CCDC30: variants seen among roughly 807,000 people sequenced by gnomAD.
CCDC30 encodes the protein coiled-coil domain containing 30.
Under a neutral mutation model 100.2 loss-of-function variants are expected in CCDC30, and 70 were observed. The ratio of observed to expected loss-of-function variants is 0.70; its 90% CI spans 0.58 to 0.85. The LOEUF is 0.85. Ranked by LOEUF, CCDC30 falls within the 40% of genes least tolerant of loss-of-function variation. CCDC30 has a pLI of 0.00. For synonymous variants in CCDC30, 233 were observed against 269.5 expected (o/e 0.86, Z 1.33); for missense variants, 652 against 771.2 (o/e 0.85, Z 1.83).
At chr1:42,558,523 G>T (rs1169738853) in intron 6 of CCDC30, among the ~76,000 whole-genome samples, 1 of 152,114 alleles carries the variant, frequency 6.6e-6, no homozygotes, top group Admixed American at 6.6e-5. Flanking sequence ...CCATCCAGCA[G>T]TAATCATTAT....
chr1:42,638,050 C>T (rs1405730390), intron 12 of CCDC30, among the ~76,000 whole-genome samples: 1 of 152,214 alleles, frequency 6.6e-6, no homozygotes, highest in East Asian at 1.9e-4. Context: ...TATACCACCA[C>T]TGTGTGCCAA....
chr1:42,557,702 TTAAA>T (rs1457158832), intron 6 of CCDC30, among the ~76,000 whole-genome samples: 4 of 147,534 alleles, frequency 2.7e-5, no homozygotes, highest in East Asian at 1.9e-4. Flanking sequence ...ATTAAATATA[TTAAA>T]TAAAATATGT....
At chr1:42,458,701 A>G (rs536580097), upstream of CCDC30, among the ~76,000 whole-genome samples, 48 of 152,318 alleles carry the variant, frequency 3.2e-4, no homozygotes, top group South Asian at 9.5e-3. Context: ...CACGCTTTTT[A>G]ATCTCTGGGA....
intron 11 of CCDC30, among the ~76,000 whole-genome samples, chr1:42,630,484 G>T (rs556359256): frequency 1.3e-5 from 2 of 151,612 alleles, no homozygotes; most frequent in Non-Finnish European, 2.9e-5. Context: ...CCAGGTTCAA[G>T]CAATTATCCT....
At chr1:42,614,341 A>C (rs1646684333) in intron 11 of CCDC30, among the ~76,000 whole-genome samples, 1 of 151,704 alleles carries the variant, frequency 6.6e-6, no homozygotes, top group Non-Finnish European at 1.5e-5. Flanking sequence ...CGGCCTCCCA[A>C]AGTGCTGGGA....
rs558872835 is a variant in CCDC30, at chr1:42,492,066, G to A, written c.241+1837G>A. 241 of 392,320 alleles carry A rather than the reference G, an allele frequency of 6.1e-4. 1 individual carries two copies. The South Asian group carries it at 6.5e-3, about 11-fold the overall frequency. 24.3% of individuals were successfully genotyped at this position (392,320 alleles called of 1,614,324 possible). ...ATTTACCCCTGACGAAATGTGTTCC[G>A]TGGTCAAAAAATGGCAGACCATGAT... On this transcript the variant is annotated intron_variant, in intron 4 of 16. Transcript: ENST00000668663.
At chr1:42,636,846 G>A (rs1647166292) in intron 11 of CCDC30, among the ~76,000 whole-genome samples, 1 of 151,146 alleles carries the variant, frequency 6.6e-6, no homozygotes, top group Non-Finnish European at 1.5e-5. Flanking sequence ...GGCACCTGTA[G>A]TCCCAGCTAC....
chr1:42,637,965 G>A (rs1647191487), intron 12 of CCDC30, among the ~76,000 whole-genome samples: 1 of 152,138 alleles, frequency 6.6e-6, no homozygotes, highest in Admixed American at 6.5e-5. Flanking sequence ...CCTTCTTGGG[G>A]TCACTAGCCC....
At chr1:42,623,253 T>G (rs1341844333) in intron 11 of CCDC30, among the ~76,000 whole-genome samples, 1 of 152,192 alleles carries the variant, frequency 6.6e-6, no homozygotes, top group East Asian at 1.9e-4. Context: ...ATTCCATTTG[T>G]CCATTTTTGC....
At chr1:42,505,338 AC>A (rs577946129) in intron 6 of CCDC30, among the ~76,000 whole-genome samples, 325 of 152,300 alleles carry the variant, frequency 2.1e-3, no homozygotes, top group African/African-American at 7.3e-3. Flanking sequence ...CATTACCCAT[AC>A]ATTTTTCTTT....
At position 42,646,126 on chromosome 1, in the gene CCDC30, T is replaced by G. The variant is rs1401030586; in HGVS notation, c.1672-9T>G. On this transcript the variant is annotated splice_polypyrimidine_tract_variant and intron_variant, in intron 14 of 16. Coordinates refer to ENST00000668663, the Ensembl canonical transcript of CCDC30. ...AAATAAATAACTCCAAAATTGTTTT[T>G]AAACTTAGAATCTTAAGGAGTTTCC... is the stretch of plus-strand genomic sequence containing the variant. The G allele has an allele frequency of 6.4e-7, 1 of 1,563,812 alleles. No homozygotes were observed. Among genetic ancestry groups the G allele is most frequent in the Non-Finnish European group, 8.6e-7 (1 of 1,159,792 alleles).
At chr1:42,633,170 T>C (rs1193658429) in intron 11 of CCDC30, among the ~76,000 whole-genome samples, 1 of 152,102 alleles carries the variant, frequency 6.6e-6, no homozygotes, top group East Asian at 1.9e-4. Flanking sequence ...GTGAGGGAGC[T>C]AGTCAAAAAC....
chr1:42,520,891 C>T (rs1644631213), intron 6 of CCDC30, among the ~76,000 whole-genome samples: 1 of 151,548 alleles, frequency 6.6e-6, no homozygotes, highest in African/African-American at 2.4e-5. Context: ...TCGTGATCCA[C>T]CTGCCTCAGC....
intron 6 of CCDC30, among the ~76,000 whole-genome samples, chr1:42,560,313 G>A (rs1295017268): frequency 6.6e-6 from 1 of 151,962 alleles, no homozygotes; most frequent in Non-Finnish European, 1.5e-5. Context: ...GAAGGAGATA[G>A]AGACATGAAA....
At chr1:42,493,814 T>C (rs1275720339) in intron 4 of CCDC30, among the ~76,000 whole-genome samples, 1 of 152,170 alleles carries the variant, frequency 6.6e-6, no homozygotes, top group Non-Finnish European at 1.5e-5. Flanking sequence ...AGTAAATTGA[T>C]GACCTGGATG....
chr1:42,522,398 A>G (rs563615966), intron 6 of CCDC30, among the ~76,000 whole-genome samples: 12 of 152,202 alleles, frequency 7.9e-5, no homozygotes, highest in African/African-American at 2.9e-4. Flanking sequence ...TTTGTCTTCT[A>G]TATGCTTTGT....
At chr1:42,476,059 T>C (rs939609428) in intron 1 of CCDC30, among the ~76,000 whole-genome samples, 2 of 152,194 alleles carry the variant, frequency 1.3e-5, no homozygotes, top group South Asian at 2.1e-4. Context: ...AGCTGTGAAA[T>C]GCAACTAAAT....
chr1:42,504,381 CA>C (rs1366703988), intron 6 of CCDC30, among the ~76,000 whole-genome samples: 1 of 152,150 alleles, frequency 6.6e-6, no homozygotes, highest in Non-Finnish European at 1.5e-5. Flanking sequence ...CACCTGTTAT[CA>C]AGGGGTTTTA....
At chr1:42,614,138 T>A (rs1158197277) in intron 11 of CCDC30, among the ~76,000 whole-genome samples, 1 of 150,702 alleles carries the variant, frequency 6.6e-6, no homozygotes, top group Non-Finnish European at 1.5e-5. Flanking sequence ...TAGAGTGCAG[T>A]GGCCGGATCT....
Sources: gnomAD v4.1 joint callset for allele counts (sites outside exome capture counted in the v4.1 genomes callset) on GRCh38, gnomAD v4.1.1 for gene constraint, MANE v1.5 for transcripts, NCBI Gene and HGNC (gene_info 2026-07-23, HGNC 2026-07-21) for gene names.